Variants in LPCAT3 observed in about 807,000 individuals in gnomAD.
LPCAT3 encodes the protein lysophosphatidylcholine acyltransferase 3.
Under a neutral mutation model 63.4 loss-of-function variants are expected in LPCAT3, and 21 were observed. That is an observed-to-expected ratio of 0.33 (90% CI 0.23 to 0.48). The LOEUF is 0.48. Ranked by LOEUF, LPCAT3 falls within the 20% of genes least tolerant of loss-of-function variation. The probability of loss-of-function intolerance (pLI) is 0.99; values close to 1 mark genes in which losing one functional copy is unlikely to be tolerated. For missense variants in LPCAT3, 451 were observed against 590.6 expected (o/e 0.76, Z 2.45); for synonymous variants, 242 against 227.5 (o/e 1.06, Z -0.58).
intron 1 of LPCAT3, among the ~76,000 whole-genome samples, chr12:7,012,381 G>GATTTTAAGAA (rs1946768849): frequency 9.8e-6 from 1 of 102,032 alleles, no homozygotes; most frequent in Admixed American, 1.1e-4. Context: ...AACTCAGTGT[G>GATTTTAAGAA]ACTTACTCAA....
chr12:6,982,384 C>T (rs980710568), intron 3 of LPCAT3, among the ~76,000 whole-genome samples: 1 of 152,138 alleles, frequency 6.6e-6, no homozygotes, highest in African/African-American at 2.4e-5. Context: ...TTCTGTCTTG[C>T]CTTGAAGTGA....
At chr12:6,990,237 C>T (rs983040216) in intron 1 of LPCAT3, among the ~76,000 whole-genome samples, 2 of 150,298 alleles carry the variant, frequency 1.3e-5, no homozygotes, top group Admixed American at 6.6e-5. Context: ...AAGCGGGGCA[C>T]GGTGGCTCAT....
At chr12:6,980,544 C>CAA (rs1946459492) in intron 6 of LPCAT3, among the ~76,000 whole-genome samples, 1 of 151,252 alleles carries the variant, frequency 6.6e-6, no homozygotes, top group Non-Finnish European at 1.5e-5. Context: ...TTTGTAGAGA[C>CAA]AGAGTCTCTC....
intron 1 of LPCAT3, among the ~76,000 whole-genome samples, chr12:7,003,153 A>G (rs1279452514): frequency 6.6e-6 from 1 of 152,212 alleles, no homozygotes; most frequent in Non-Finnish European, 1.5e-5. Flanking sequence ...GGATTTTGTT[A>G]AGTCCTATGT....
chr12:6,985,235 CA>C (rs1206891468), intron 1 of LPCAT3, among the ~76,000 whole-genome samples: 63 of 142,322 alleles, frequency 4.4e-4, no homozygotes, highest in Non-Finnish European at 3.7e-4. Flanking sequence ...ACTAAAAATA[CA>C]AAAAAAAAAA....
intron 1 of LPCAT3, among the ~76,000 whole-genome samples, chr12:7,000,240 C>T (rs1946673292): frequency 6.6e-6 from 1 of 151,498 alleles, no homozygotes; most frequent in East Asian, 2.0e-4. Flanking sequence ...CGTTAAACCT[C>T]AATTTCTTCA....
chr12:7,014,407 A>G (rs1946784269), intron 1 of LPCAT3, among the ~76,000 whole-genome samples: 1 of 152,210 alleles, frequency 6.6e-6, no homozygotes, highest in Non-Finnish European at 1.5e-5. Context: ...GTTTTCTGGT[A>G]GTATTTGCCA....
chr12:7,000,899 G>GGGTTTCACCGTGTT (rs1946681690), intron 1 of LPCAT3, among the ~76,000 whole-genome samples: 1 of 151,868 alleles, frequency 6.6e-6, no homozygotes, highest in African/African-American at 2.4e-5. Context: ...AGTGGAGACG[G>GGGTTTCACCGTGTT]GGTTTCACCG....
At position 6,981,036 on chromosome 12, in the gene LPCAT3, C is replaced by G. The variant is rs782472662; in HGVS notation, c.645G>C (p.Glu215Asp). Residue 215 changes from glutamate to aspartate, a missense_variant, in exon 6 of 13, where the codon GAG becomes GAC. By Grantham distance (45) the Glu-to-Asp change is conservative. Around this residue, in one of 3 missense-constraint regions of LPCAT3, gnomAD observed 304 missense variants for 390.8 expected, o/e 0.78. Transcript: ENST00000261407. ...MNHYMKLVQG[E>D]LIDIPGKIPN... ...GTATCTTTCCTGGTATGTCAATCAGCTCTCCCTGCACCAGCTTCATGTAGT... is the reference window on the plus strand; with the variant it reads ...GTATCTTTCCTGGTATGTCAATCAGGTCTCCCTGCACCAGCTTCATGTAGT... 2 of 1,606,820 alleles carry G rather than the reference C, an allele frequency of 1.2e-6. No homozygotes were observed. The highest frequency in any genetic ancestry group is 2.2e-5 in the South Asian group (2 of 89,968).
chr12:7,000,112 G>A (rs1946671729), intron 1 of LPCAT3, among the ~76,000 whole-genome samples: 1 of 151,268 alleles, frequency 6.6e-6, no homozygotes, highest in Admixed American at 6.6e-5. Context: ...TAGAGATGGG[G>A]TTTCACCATG....
At position 7,012,763 on chromosome 12, in the gene LPCAT3, G is replaced by A. The variant is rs1353346696; in HGVS notation, c.151+5511C>T. Among the ~76,000 whole-genome samples the A allele has an allele frequency of 3.9e-5, 6 of 152,256 alleles. No individual in the cohort carries two copies. In the South Asian group the frequency reaches 1.0e-3, roughly 26 times the overall value. ...CCTGGAAGTGCCCTTGGAACCTAAA[G>A]TGAACCCCAAACCAGATCATTTCCT... On this transcript the variant is annotated intron_variant, in intron 1 of 12. Transcript: ENST00000261407.
At chr12:6,994,353 G>A (rs1946617255) in intron 1 of LPCAT3, among the ~76,000 whole-genome samples, 1 of 152,048 alleles carries the variant, frequency 6.6e-6, no homozygotes, top group Non-Finnish European at 1.5e-5. Flanking sequence ...GATTACAGGT[G>A]TGCACCACCA....
chr12:7,015,241 T>A (rs1472983626), intron 1 of LPCAT3, among the ~76,000 whole-genome samples: 1 of 152,228 alleles, frequency 6.6e-6, no homozygotes, highest in African/African-American at 2.4e-5. Context: ...AAAATGTGAA[T>A]GATATACCTA....
rs782250410 is a variant in LPCAT3 at position 6,981,845 on chromosome 12, T to C, written c.426A>G (p.Thr142=). ...TCAAAGTCAGAACACAATGTGGCAT[T>C]GTCCACTTGATATCGTAGTTGCCGG... ...TATGNYDIKW[T]MPHCVLTLKL... Residue 142 remains threonine (T), a synonymous_variant, in exon 4 of 13, where the codon ACA becomes ACG. Coordinates refer to ENST00000261407, the MANE Select transcript of LPCAT3 (RefSeq NM_005768.6). The C allele has an allele frequency of 3.7e-6, 6 of 1,613,964 alleles. No homozygotes were observed. In the Admixed American group the frequency reaches 1.0e-4, roughly 27 times the overall value.
chr12:7,011,647 C>CAAA (rs1177972639), intron 1 of LPCAT3, among the ~76,000 whole-genome samples: 42 of 75,572 alleles, frequency 5.6e-4, no homozygotes, highest in South Asian at 9.7e-4. Flanking sequence ...CACCATGTCT[C>CAAA]AAAAAAAAAA....
chr12:7,013,595 A>G (rs1555157374), intron 1 of LPCAT3, among the ~76,000 whole-genome samples: 1 of 152,128 alleles, frequency 6.6e-6, no homozygotes, highest in African/African-American at 2.4e-5. Context: ...AAGGCAACAA[A>G]GCTGATTCTT....
intron 1 of LPCAT3, among the ~76,000 whole-genome samples, chr12:6,990,503 C>T (rs765594925): frequency 1.0e-4 from 15 of 148,246 alleles, no homozygotes; most frequent in South Asian, 4.2e-4. Context: ...AGTGAGACTC[C>T]GCCTCAAAAA....
chr12:7,001,436 T>C (rs1254810638), intron 1 of LPCAT3: 1 of 456,008 alleles, frequency 2.2e-6, no homozygotes, highest in East Asian at 6.9e-5. Flanking sequence ...GCCTGAAAAT[T>C]CTGCTGCTAC....
intron 1 of LPCAT3, among the ~76,000 whole-genome samples, chr12:6,991,315 G>A (rs1234147690): frequency 1.3e-5 from 2 of 152,218 alleles, no homozygotes; most frequent in Admixed American, 1.3e-4. Flanking sequence ...ACAAGTAGTA[G>A]TTTCTTAACA....
Sources: gnomAD v4.1 joint callset for allele counts (sites outside exome capture counted in the v4.1 genomes callset) on GRCh38, gnomAD v4.1.1 for gene constraint, gnomAD v4.1.1 regional missense constraint, MANE v1.5 for transcripts, NCBI Gene and HGNC (gene_info 2026-07-23, HGNC 2026-07-21) for gene names.